Variants in SACS observed in about 807,000 individuals in gnomAD.
SACS encodes sacsin molecular chaperone.
In SACS, 197 loss-of-function variants were observed where a neutral mutation model predicts 348.0. That is an observed-to-expected ratio of 0.57 (90% confidence interval 0.50 to 0.64). The LOEUF (loss-of-function observed/expected upper bound fraction) is 0.64, where lower values mean the gene tolerates loss of function less well. Ranked by LOEUF, SACS falls within the 30% of genes least tolerant of loss-of-function variation. The probability of loss-of-function intolerance (pLI) is 0.00; values close to 1 mark genes in which losing one functional copy is unlikely to be tolerated. For synonymous variants in SACS, 1,985 were observed against 1,910.6 expected (o/e 1.04, Z -1.02); for missense variants, 4,999 against 5,360.8 (o/e 0.93, Z 2.11).
rs1874197346 is a variant in SACS, at chr13:23,426,699, G to A, written c.-502+6916C>T. The stretch of plus-strand genomic sequence containing the variant: ...GTCTGGAAAGGGGGGACAACTTGAA[G>A]CAAAAGCAAGAAGACTGGAAGTGAG... On this transcript the variant is annotated intron_variant, in intron 1 of 9. Transcript: ENST00000382292. 2.6e-5 allele frequency among the ~76,000 whole-genome samples: 4 copies of A among 151,606 alleles called. No individual in the cohort carries two copies. The South Asian group carries it at 8.3e-4, about 32-fold the overall frequency.
At chr13:23,391,472 C>G (rs1872524874) in intron 2 of SACS, among the ~76,000 whole-genome samples, 1 of 152,160 alleles carries the variant, frequency 6.6e-6, no homozygotes, top group African/African-American at 2.4e-5. Context: ...AGAGTACGGT[C>G]AGGGAATTCA....
Position 23,366,302 on chromosome 13 carries a change from T to A in SACS, c.346-1025A>T, listed in dbSNP as rs186345043. ...AAGTGAAAAGTCAGTTCTGAGATTG[T>A]GCTCAGTTCACCCAGTGCATCCCAA... On this transcript the variant is annotated intron_variant, in intron 5 of 9. Transcript: ENST00000382292. Among the ~76,000 whole-genome samples, 290 of 152,320 alleles carry A rather than the reference T, an allele frequency of 1.9e-3. 1 individual carries two copies. The highest frequency in any genetic ancestry group is 2.9e-3 in the Non-Finnish European group (194 of 68,026).
intron 9 of SACS, among the ~76,000 whole-genome samples, chr13:23,344,890 C>CA (rs1869499416): frequency 1.3e-5 from 2 of 152,156 alleles, no homozygotes; most frequent in South Asian, 4.1e-4. Flanking sequence ...AATCAGTACT[C>CA]AAAGACTGCA....
intron 2 of SACS, among the ~76,000 whole-genome samples, chr13:23,395,745 C>T (rs770615178): frequency 6.6e-6 from 1 of 152,148 alleles, no homozygotes; most frequent in Non-Finnish European, 1.5e-5. Flanking sequence ...GTAACCTTAC[C>T]TTATTCTATC....
chr13:23,371,179 A>G lies in SACS; in HGVS notation c.172-14T>C, dbSNP rs183886923. Reference sequence around the variant, plus strand: ...CCAGTCAGATAACTGAAAAAAAGCAAAAGAAAATGTATGAAAAGCAATACA... The same window carrying G: ...CCAGTCAGATAACTGAAAAAAAGCAGAAGAAAATGTATGAAAAGCAATACA... On this transcript the variant is annotated splice_polypyrimidine_tract_variant and intron_variant, in intron 3 of 9. Coordinates refer to ENST00000382292, the MANE Select transcript of SACS (RefSeq NM_014363.6). The G allele has an allele frequency of 1.3e-6, 2 of 1,563,438 alleles. No homozygotes were observed. The highest frequency in any genetic ancestry group is 1.7e-5 in the Admixed American group (1 of 59,010).
At chr13:23,371,392 A>T (rs1202246415) in intron 3 of SACS, among the ~76,000 whole-genome samples, 3 of 152,216 alleles carry the variant, frequency 2.0e-5, no homozygotes, top group African/African-American at 7.2e-5. Context: ...AATAGATAAA[A>T]ATATATATAT....
chr13:23,335,452 A>G lies in SACS; in HGVS notation c.8424T>C (p.Thr2808=), dbSNP rs149961028. The G allele has an allele frequency of 3.7e-5, 59 of 1,613,842 alleles. No individual in the cohort carries two copies. The highest frequency in any genetic ancestry group is 8.0e-5 in the African/African-American group (6 of 75,054). ...TAGTAAGATTTCCTTCAGAGTCCTC[A>G]GTATCCATAGTATAGGTTATTTGTT... ...PVQQITYTMD[T]EDSEGNLTTW... is the part of the protein sequence containing the mutation. The change falls in exon 10 of 10, where the codon ACT becomes ACC. Residue 2808 remains threonine (T), a synonymous_variant. Transcript: ENST00000382292. The surrounding 1 kb of genome is among the most constrained non-coding windows in gnomAD (Gnocchi z 4.7).
Position 23,367,616 on chromosome 13 carries a change from C to T in SACS, c.345+786G>A, listed in dbSNP as rs183709521. 3.3e-3 allele frequency among the ~76,000 whole-genome samples: 500 copies of T among 152,108 alleles called. 1 individual carries two copies. The highest frequency in any genetic ancestry group is 5.9e-3 in the Non-Finnish European group (401 of 68,004). On this transcript the variant is annotated intron_variant, in intron 5 of 9. Coordinates refer to ENST00000382292, the MANE Select transcript of SACS (RefSeq NM_014363.6). The stretch of plus-strand genomic sequence containing the variant: ...TTTATTGTTTGTTTGTTTTTTGAGA[C>T]GGAGTGTGGCTCCTGCTGCCCAGGC...
chr13:23,335,082 G>GTT lies in SACS; in HGVS notation c.8792_8793dup (p.Arg2932AsnfsTer22). ...GTTGGATCAGAACCAGGGAAATACCGTTTTTTTAACTGTATTAGCAATTCA... is the reference window on the plus strand; with the variant it reads ...GTTGGATCAGAACCAGGGAAATACCGTTTTTTTTTAACTGTATTAGCAATTCA... On this transcript the variant is annotated frameshift_variant, in exon 10 of 10. Transcript: ENST00000382292. LOFTEE classifies it high-confidence loss of function. The surrounding 1 kb of genome is among the most constrained non-coding windows in gnomAD (Gnocchi z 4.7). 6.2e-7 allele frequency: 1 copy of GTT among 1,613,426 alleles called. No individual in the cohort carries two copies. Among genetic ancestry groups the GTT allele is most frequent in the Non-Finnish European group, 8.5e-7 (1 of 1,179,602 alleles).
intron 1 of SACS, among the ~76,000 whole-genome samples, chr13:23,423,023 C>T (rs1874018716): frequency 6.6e-6 from 1 of 151,972 alleles, no homozygotes. Context: ...TTTTGTAGAA[C>T]CTATTTAATG....
In SACS at chr13:23,355,240, T is replaced by TGC. The variant is rs765667160; in HGVS notation, c.1370_1371dup (p.Thr458AlafsTer21). 1 of 1,614,230 alleles carries TGC rather than the reference T, an allele frequency of 6.2e-7. No homozygotes were observed. The highest frequency in any genetic ancestry group is 2.2e-5 in the East Asian group (1 of 44,876). On this transcript the variant is annotated frameshift_variant, in exon 8 of 10. Transcript: ENST00000382292. LOFTEE classifies it high-confidence loss of function. ...CCACTGATGTGAACTGGGAGGCCTG[T>TGC]GCTGCTTTCCTCACCAGGTGGTAAA...
chr13:23,356,084 G>A (rs1384310534), intron 7 of SACS, 77 bp from the exon 8 acceptor site: 1 of 1,229,920 alleles, frequency 8.1e-7, no homozygotes, highest in South Asian at 1.3e-5. Context: ...ATAAATATAT[G>A]AAAAAGCATG....
At chr13:23,375,528 G>T in intron 2 of SACS, 2 of 1,093,300 alleles carry the variant, frequency 1.8e-6, no homozygotes, top group Non-Finnish European at 2.2e-6. Context: ...AGGAAGCCGC[G>T]GCGGCCGAGG....
In SACS at chr13:23,355,682, C is replaced by A. The variant is rs1003682599; in HGVS notation, c.930G>T (p.Leu310=). Residue 310 remains leucine, a synonymous_variant, in exon 8 of 10, where the codon CTG becomes CTT. Transcript: ENST00000382292. ...ATAAGGAAACATCCTGCACACTTTT[C>A]AGAAAGAGCAGCACTGTGTCTGCAT... ...RADADTVLLF[L]KSVQDVSLYV... is the part of the protein sequence containing the mutation. 3.1e-6 allele frequency: 5 copies of A among 1,614,088 alleles called. No homozygotes were observed. The highest frequency in any genetic ancestry group is 3.3e-4 in the Middle Eastern group (2 of 6,084).
At chr13:23,402,178 GAAAA>G (rs34188080) in intron 2 of SACS, among the ~76,000 whole-genome samples, 1 of 103,170 alleles carries the variant, frequency 9.7e-6, no homozygotes. Flanking sequence ...ACTCCATCTC[GAAAA>G]AAAAAAAAAA....
intron 9 of SACS, among the ~76,000 whole-genome samples, chr13:23,351,199 T>G (rs1201173786): frequency 6.6e-6 from 1 of 152,196 alleles, no homozygotes; most frequent in Non-Finnish European, 1.5e-5. Context: ...CTCAAAACAT[T>G]AAAACCATTA....
intron 2 of SACS, among the ~76,000 whole-genome samples, chr13:23,401,035 ATAT>A (rs1872954177): frequency 6.6e-6 from 1 of 152,172 alleles, no homozygotes; most frequent in Admixed American, 6.5e-5. Flanking sequence ...AAATGGGTAA[ATAT>A]TATTAATATA....
At chr13:23,406,155 A>G (rs760741171) in intron 2 of SACS, among the ~76,000 whole-genome samples, 4 of 152,214 alleles carry the variant, frequency 2.6e-5, no homozygotes, top group Non-Finnish European at 4.4e-5. Context: ...GATAGACTGG[A>G]TAAAGGAAAT....
At chr13:23,359,360 A>C (rs879761083) in intron 6 of SACS, among the ~76,000 whole-genome samples, 9 of 152,176 alleles carry the variant, frequency 5.9e-5, no homozygotes, top group Non-Finnish European at 1.2e-4. Flanking sequence ...ATCTTATTTC[A>C]TAAGGTGAAA....
Sources: gnomAD v4.1 joint callset for allele counts (sites outside exome capture counted in the v4.1 genomes callset) on GRCh38, gnomAD v4.1.1 for gene constraint, Gnocchi (gnomAD v3.1) non-coding constraint, MANE v1.5 for transcripts, NCBI Gene and HGNC (gene_info 2026-07-23, HGNC 2026-07-21) for gene names.